The following NUP188 variants were observed in gnomAD, a reference collection of about 807,000 sequenced individuals.
NUP188 encodes the protein nucleoporin 188.
In NUP188, 97 loss-of-function variants were observed where a neutral mutation model predicts 223.0. The ratio of observed to expected loss-of-function variants is 0.43; its 90% CI spans 0.37 to 0.51. The LOEUF (loss-of-function observed/expected upper bound fraction) is 0.51, where lower values mean the gene tolerates loss of function less well. NUP188 is among the 20% of genes least tolerant of loss of function. The pLI is 0.00. For synonymous variants in NUP188, 869 were observed against 828.0 expected, an observed-to-expected ratio of 1.05 and a Z score of -0.85; for missense variants, 1,947 against 2,175.6, an observed-to-expected ratio of 0.89 and a Z score of 2.09.
intron 22 of NUP188, 120 bp downstream of exon 22, chr9:128,986,995 A>T: frequency 2.6e-6 from 2 of 771,814 alleles, no homozygotes; most frequent in Non-Finnish European, 4.2e-6. Flanking sequence ...GAACTCAGTA[A>T]TCTTGAGGTT....
rs1451958147 is a variant in NUP188, at chr9:128,994,931, CT to C, written c.3155+11del. The C allele has an allele frequency of 2.5e-6, 4 of 1,595,238 alleles. No individual in the cohort carries two copies. The highest frequency in any genetic ancestry group is 3.4e-6 in the Non-Finnish European group (4 of 1,162,958). Reference sequence around the variant, plus strand: ...GATATACTATGTAGTAAAGTGAGTACTTTCCCCTCTTGAGATTTTAACTGAA... The same window carrying C: ...GATATACTATGTAGTAAAGTGAGTACTTCCCCTCTTGAGATTTTAACTGAA... On this transcript the variant is annotated intron_variant, in intron 29 of 43. Coordinates refer to ENST00000372577, the MANE Select transcript of NUP188 (RefSeq NM_015354.3).
chr9:128,993,684 C>T lies in NUP188; in HGVS notation c.3007C>T (p.Leu1003Phe), dbSNP rs1270597145. The T allele has an allele frequency of 6.2e-7, 1 of 1,614,150 alleles. No homozygotes were observed. Among genetic ancestry groups the T allele is most frequent in the African/African-American group, 1.3e-5 (1 of 75,038 alleles). Residue 1003 changes from leucine (L) to phenylalanine (F), a missense_variant, in exon 27 of 44, where the codon CTC (leucine) becomes TTC (phenylalanine). This residue lies in a region of NUP188 where 905 missense variants were observed against 990.6 expected (regional missense o/e 0.91). Transcript: ENST00000372577. ...TCGGAGGGACAGTGCCATGCTGGTC[C>T]TCCGAACCAAGTAAGTCTGCCTCTG... ...QDRRDSAMLV[L>F]RTKPKFWENL...
chr9:129,000,978 A>C (rs1348474502), intron 34 of NUP188, among the ~76,000 whole-genome samples: 2 of 152,054 alleles, frequency 1.3e-5, no homozygotes, highest in Non-Finnish European at 2.9e-5. Flanking sequence ...CGGAGGTTGC[A>C]GTGAGCCGAG....
intron 8 of NUP188, among the ~76,000 whole-genome samples, chr9:128,965,911 C>A (rs1019817161): frequency 2.0e-5 from 3 of 151,510 alleles, no homozygotes; most frequent in African/African-American, 7.3e-5. Context: ...GATTCTCCTG[C>A]CTCAGCCTCC....
intron 34 of NUP188, among the ~76,000 whole-genome samples, chr9:129,000,621 A>G (rs1842630952): frequency 6.6e-6 from 1 of 152,070 alleles, no homozygotes; most frequent in Non-Finnish European, 1.5e-5. Flanking sequence ...CCTGGCCACA[A>G]CCAGCATTTT....
Position 129,006,507 on chromosome 9 carries a change from G to A in NUP188, c.5079G>A (p.Thr1693=), listed in dbSNP as rs150379581. ...AGCCACTTTTTTTCTTGTAGAGCAC[G>A]CTGCTGTCCAGCCTCTCGCGCTACT... ...MKQELSSELS[T]LLSSLSRYFR... Residue 1693 remains threonine, a synonymous_variant, in exon 44 of 44, where the codon ACG becomes ACA. Transcript: ENST00000372577. 21,052 of 1,612,982 alleles carry A rather than the reference G, an allele frequency of 0.013. 178 individuals are homozygous for A. Among genetic ancestry groups the A allele is most frequent in the Non-Finnish European group, 0.015 (18,019 of 1,179,642 alleles).
At chr9:128,953,751 A>C (rs573328012) in intron 3 of NUP188, among the ~76,000 whole-genome samples, 8 of 152,196 alleles carry the variant, frequency 5.3e-5, no homozygotes, top group African/African-American at 1.4e-4. Context: ...AGGCACAAAG[A>C]GGTTAAGCAA....
chr9:128,989,135 T>G (rs1842380101), intron 24 of NUP188, among the ~76,000 whole-genome samples: 1 of 152,104 alleles, frequency 6.6e-6, no homozygotes, highest in African/African-American at 2.4e-5. Context: ...GGCTCACGTC[T>G]GTAATCCCAG....
chr9:128,984,243 C>T (rs908430913), intron 19 of NUP188, among the ~76,000 whole-genome samples: 2 of 151,366 alleles, frequency 1.3e-5, no homozygotes, highest in Non-Finnish European at 2.9e-5. Flanking sequence ...TCTCCTGCCT[C>T]AGCCTCCCAA....
Position 128,971,408 on chromosome 9 carries a change from CTTGT to C in NUP188, c.1113+473_1113+476del, listed in dbSNP as rs367882897. On this transcript the variant is annotated intron_variant, in intron 11 of 43. Transcript: ENST00000372577. ...GGTTTGAGTGGCATGGTTTAGAGAGCTTGTTTGTTTGTTTGTTTGTTTGTTTTTG... is the reference window on the plus strand; with the variant it reads ...GGTTTGAGTGGCATGGTTTAGAGAGCTTGTTTGTTTGTTTGTTTGTTTTTG... Among the ~76,000 whole-genome samples, 1,008 of 152,070 alleles carry C rather than the reference CTTGT, an allele frequency of 6.6e-3. 10 individuals are homozygous for C. The highest frequency in any genetic ancestry group is 0.042 in the East Asian group (218 of 5,174).
intron 11 of NUP188, among the ~76,000 whole-genome samples, chr9:128,971,637 C>G (rs17507999): frequency 6.6e-6 from 1 of 152,078 alleles, no homozygotes; most frequent in Non-Finnish European, 1.5e-5. Context: ...CCAAGCTAGT[C>G]TTGAACTCCT....
intron 25 of NUP188, among the ~76,000 whole-genome samples, chr9:128,992,045 T>G (rs1055455992): frequency 4.0e-5 from 6 of 151,110 alleles, no homozygotes; most frequent in Admixed American, 1.3e-4. Flanking sequence ...TAGCTGGGAC[T>G]ACAGGCGCCT....
At chr9:128,965,882 C>G (rs1842020213) in intron 8 of NUP188, among the ~76,000 whole-genome samples, 1 of 151,214 alleles carries the variant, frequency 6.6e-6, no homozygotes. Context: ...ACCGCAACCT[C>G]TGCCTCCTGG....
chr9:128,948,711 C>CTTTTTTTTTTTTTTTTTTTTT (rs56052652), intron 1 of NUP188: 1 of 61,066 alleles, frequency 1.6e-5, no homozygotes, highest in Non-Finnish European at 3.2e-5. Context: ...GTTTTCCCCA[C>CTTTTTTTTTTTTTTTTTTTTT]TTTTTTTTTT....
At chr9:128,959,155 C>A in intron 8 of NUP188, 21 bp downstream of exon 8, 1 of 1,547,502 alleles carries the variant, frequency 6.5e-7, no homozygotes, top group Non-Finnish European at 8.7e-7. Context: ...ACTGTGCTCT[C>A]CTGTAACTTT....
intron 8 of NUP188, among the ~76,000 whole-genome samples, chr9:128,964,672 C>A (rs2131149542): frequency 6.6e-6 from 1 of 150,942 alleles, no homozygotes; most frequent in East Asian, 1.9e-4. Flanking sequence ...TGCTCCTAGA[C>A]TGTATCTTTC....
Position 128,947,735 on chromosome 9 carries a change from G to C in NUP188, c.16G>C (p.Gly6Arg). The change falls in exon 1 of 44, where the codon GGC (glycine) becomes CGC (arginine). Residue 6 changes from glycine (G) to arginine (R), a missense_variant. This residue lies in a region of NUP188 where 817 missense variants were observed against 865.8 expected (regional missense o/e 0.94). Transcript: ENST00000372577. The stretch of plus-strand genomic sequence containing the variant: ...GCGCGCGAAGATGGCGGCGGCCGCC[G>C]GCGGGCCGTGTGTGAGGTGCGGAGC... MAAAA[G>R]GPCVRSSREL... is the part of the protein sequence containing the mutation. 3.4e-6 allele frequency: 5 copies of C among 1,473,892 alleles called. No homozygotes were observed. Among genetic ancestry groups the C allele is most frequent in the South Asian group, 1.3e-5 (1 of 76,442 alleles). The allele number at this position is 1,473,892 out of a possible 1,614,324, so 91.3% of individuals were successfully genotyped here. A position where few individuals can be genotyped will look rare whatever the true frequency, so the allele number is the denominator to read the frequency against.
At chr9:128,971,471 T>G (rs1842103434) in intron 11 of NUP188, among the ~76,000 whole-genome samples, 1 of 152,154 alleles carries the variant, frequency 6.6e-6, no homozygotes, top group South Asian at 2.1e-4. Context: ...CAGGCTGGAG[T>G]GCAGTGGCAC....
At chr9:128,952,027 A>G (rs2131136242) in intron 2 of NUP188, among the ~76,000 whole-genome samples, 2 of 152,230 alleles carry the variant, frequency 1.3e-5, no homozygotes, top group East Asian at 3.9e-4. Flanking sequence ...TCCCAACCCT[A>G]GGGGATCCGC....
Sources: gnomAD v4.1 joint callset for allele counts (sites outside exome capture counted in the v4.1 genomes callset) on GRCh38, gnomAD v4.1.1 for gene constraint, gnomAD v4.1.1 regional missense constraint, MANE v1.5 for transcripts, NCBI Gene and HGNC (gene_info 2026-07-23, HGNC 2026-07-21) for gene names.